EDA2R: variants seen among roughly 807,000 people sequenced by gnomAD.
The protein encoded by EDA2R is ectodysplasin A2 receptor.
EDA2R carries 26 observed loss-of-function variants against 20.1 expected under a neutral mutation model. The observed-to-expected ratio is 1.30, with a 90% CI of 0.95 to 1.80. EDA2R has a LOEUF of 1.80. EDA2R is among the 40% of genes most tolerant of loss of function. The pLI, the probability that EDA2R is intolerant of heterozygous loss-of-function variation, is 0.00. For missense variants in EDA2R, 277 were observed against 228.7 expected, an observed-to-expected ratio of 1.21 and a Z score of -1.36; for synonymous variants, 114 against 88.7, an observed-to-expected ratio of 1.29 and a Z score of -1.60.
chrX:66,620,459 C>T lies in EDA2R; in HGVS notation c.-10-4429G>A, dbSNP rs998669028. ...AAAATTAACTCACAATAGACTAAAT[C>T]CCCAAATGTAAGAGTTAAAACTATA... On this transcript the variant is annotated intron_variant, in intron 1 of 6. Transcript: ENST00000374719. 6.3e-5 allele frequency among the ~76,000 whole-genome samples: 7 copies of T among 111,317 alleles called. No homozygotes were observed. In the East Asian group the frequency reaches 2.0e-3, roughly 31 times the overall value.
intron 1 of EDA2R, among the ~76,000 whole-genome samples, chrX:66,620,339 A>C (rs1825564): frequency 0.63 from 68,904 of 110,116 alleles, 18,857 homozygotes; most frequent in East Asian, 1. Context: ...AAGAAAATTC[A>C]ATGAGAAAAA....
rs368988128 is a variant in EDA2R at position 66,599,621 on chromosome X, C to T, written c.757G>A (p.Glu253Lys). 8 of 1,202,605 alleles carry T rather than the reference C, an allele frequency of 6.7e-6. No homozygotes were observed. The highest frequency in any genetic ancestry group is 4.4e-5 in the Admixed American group (2 of 44,948). The change falls in exon 6 of 7, where the codon GAA becomes AAA. Residue 253 changes from glutamate (E) to lysine (K), a missense_variant. Glu to Lys is a moderately conservative substitution (Grantham distance 56, BLOSUM62 1). Transcript: ENST00000374719. ...TTTTGCAGGTCCAGCTCTGTGCATT[C>T]GATGGGGCTGTGGACCCAGTGGGAG... The part of the protein sequence containing the change: ...SHSHWVHSPI[E>K]CTELDLQKFS...
intron 2 of EDA2R, among the ~76,000 whole-genome samples, chrX:66,609,722 C>T: frequency 8.9e-6 from 1 of 112,063 alleles, no homozygotes; most frequent in Non-Finnish European, 1.9e-5. Flanking sequence ...GGAAATAATG[C>T]TATCCAACTT....
rs142591870 is a variant in EDA2R at position 66,599,505 on chromosome X, G to A, written c.873C>T (p.Pro291=). The A allele has an allele frequency of 8.6e-7, 1 of 1,167,039 alleles. No homozygotes were observed. Among genetic ancestry groups the A allele is most frequent in the African/African-American group, 1.8e-5 (1 of 56,051 alleles). The change falls in exon 6 of 7, where the codon CCC becomes CCT. Residue 291 remains proline (P), a synonymous_variant. Coordinates refer to ENST00000374719, the MANE Select transcript of EDA2R (RefSeq NM_021783.5). Reference sequence around the variant, plus strand: ...AGAGTTAAGGGCTGGGAACTTCAAAGGGCACATTGAGCTCCAGCCTGTCTC... The same window carrying A: ...AGAGTTAAGGGCTGGGAACTTCAAAAGGCACATTGAGCTCCAGCCTGTCTC... ...STGDRLELNV[P]FEVPSP
chrX:66,627,641 A>G lies in EDA2R; in HGVS notation c.-11+11354T>C, dbSNP rs1018338286. On this transcript the variant is annotated intron_variant, in intron 1 of 6. Transcript: ENST00000374719. ...CTCCCAAATTTATAAAACAATTACT[A>G]ACAGACCTAAGAAGTGAGACAGACA... Among the ~76,000 whole-genome samples, 4 of 111,990 alleles carry G rather than the reference A, an allele frequency of 3.6e-5. No individual in the cohort carries two copies. The South Asian group carries it at 1.1e-3, about 31-fold the overall frequency.
intron 1 of EDA2R, among the ~76,000 whole-genome samples, chrX:66,631,605 G>A (rs752002125): frequency 9.0e-6 from 1 of 111,592 alleles, no homozygotes; most frequent in South Asian, 3.8e-4. Context: ...GTTAACCTGA[G>A]TGCATTTTAA....
chrX:66,605,380 A>T (rs530698042), intron 2 of EDA2R, among the ~76,000 whole-genome samples, 154 bp from the exon 3 acceptor site: 1 of 112,595 alleles, frequency 8.9e-6, no homozygotes, highest in South Asian at 3.7e-4. Flanking sequence ...CCAGCATTGA[A>T]AGATAAAATA....
At chrX:66,613,744 G>T (rs759983057) in intron 2 of EDA2R, among the ~76,000 whole-genome samples, 80 of 111,515 alleles carry the variant, frequency 7.2e-4, no homozygotes, top group African/African-American at 2.5e-3. Flanking sequence ...AAAATCGTAC[G>T]CATTATTTAG....
intron 3 of EDA2R, among the ~76,000 whole-genome samples, 176 bp downstream of exon 3, chrX:66,604,872 G>A (rs767449994): frequency 8.9e-6 from 1 of 112,290 alleles, no homozygotes; most frequent in South Asian, 3.7e-4. Context: ...CTGACAATGT[G>A]CTAAGCACTT....
chrX:66,613,432 G>C (rs1360517011), intron 2 of EDA2R, among the ~76,000 whole-genome samples: 2 of 111,392 alleles, frequency 1.8e-5, no homozygotes, highest in Non-Finnish European at 3.8e-5. Flanking sequence ...AATAAACACA[G>C]TAAAGTTGGT....
chrX:66,599,430 G>A, intron 6 of EDA2R, 44 bp downstream of exon 6: 1 of 1,041,052 alleles, frequency 9.6e-7, no homozygotes, highest in Non-Finnish European at 1.2e-6. Flanking sequence ...CTTAATTTCT[G>A]TTTTGCTTTT....
intron 2 of EDA2R, among the ~76,000 whole-genome samples, chrX:66,614,817 G>A (rs1391747727): frequency 8.9e-6 from 1 of 111,942 alleles, no homozygotes; most frequent in African/African-American, 3.2e-5. Context: ...CTTAGAGAAA[G>A]ATGAAAATTT....
chrX:66,596,077 C>T lies in EDA2R; in HGVS notation c.*2027G>A, dbSNP rs1370359917. 9.3e-6 allele frequency: 1 copy of T among 108,049 alleles called. No individual in the cohort carries two copies. Among genetic ancestry groups the T allele is most frequent in the East Asian group, 2.9e-4 (1 of 3,439 alleles). 8.9% of individuals were successfully genotyped at this position (108,049 alleles called of 1,213,427 possible). On this transcript the variant is annotated 3_prime_UTR_variant, in exon 7 of 7. Coordinates refer to ENST00000374719, the MANE Select transcript of EDA2R (RefSeq NM_021783.5). ...GGAAATACCTCCCCTTCCTTACAAA[C>T]AAAAACTACATTTTTTTTTTTTGCT... is the stretch of plus-strand genomic sequence containing the variant.
At position 66,605,219 on chromosome X, in the gene EDA2R, C is replaced by A; in HGVS notation, c.95G>T (p.Gly32Val). The A allele has an allele frequency of 8.3e-7, 1 of 1,204,886 alleles. No homozygotes were observed. Among genetic ancestry groups the A allele is most frequent in the Non-Finnish European group, 1.1e-6 (1 of 892,172 alleles). Reference protein sequence around the residue: ...GPGQELSKDCGYGEGGDAYCT... With the variant: ...GPGQELSKDCVYGEGGDAYCT... ...GTAGGCATCTCCACCCTCTCCATAA[C>A]CACAATCCTGTAGACAGATGGGGGT... The change falls in exon 3 of 7, where the codon GGT becomes GTT. Residue 32 changes from glycine (G) to valine (V), a missense_variant. Gly to Val is a moderately radical substitution (Grantham distance 109, BLOSUM62 -3). Coordinates refer to ENST00000374719, the MANE Select transcript of EDA2R (RefSeq NM_021783.5).
chrX:66,636,956 A>ACG (rs1426213301), intron 1 of EDA2R, among the ~76,000 whole-genome samples: 3 of 109,375 alleles, frequency 2.7e-5, no homozygotes, highest in Non-Finnish European at 5.7e-5. Flanking sequence ...ACACACACAC[A>ACG]CACACACACA....
chrX:66,632,092 A>G (rs1385162289), intron 1 of EDA2R, among the ~76,000 whole-genome samples: 1 of 111,972 alleles, frequency 8.9e-6, no homozygotes, highest in East Asian at 2.8e-4. Context: ...TGGAATAACC[A>G]CTGGCCGAAG....
At chrX:66,602,491 C>T in intron 5 of EDA2R, 142 bp downstream of exon 5, 2 of 693,822 alleles carry the variant, frequency 2.9e-6, no homozygotes, top group South Asian at 6.9e-5. Context: ...CAGATAGTTC[C>T]CCAGGCCAAC....
intron 2 of EDA2R, among the ~76,000 whole-genome samples, chrX:66,609,114 A>C (rs1430876349): frequency 1.8e-5 from 2 of 111,855 alleles, no homozygotes; most frequent in East Asian, 5.6e-4. Flanking sequence ...TATTTTAATA[A>C]GGCTGCTTAA....
At chrX:66,603,397 T>A (rs1053141186) in intron 4 of EDA2R, among the ~76,000 whole-genome samples, 4 of 111,561 alleles carry the variant, frequency 3.6e-5, no homozygotes, top group African/African-American at 9.8e-5. Context: ...CCCATGTATT[T>A]CCCTTACACC....
Sources: allele counts gnomAD v4.1 joint callset (sites outside exome capture counted in the v4.1 genomes callset), GRCh38; gene constraint gnomAD v4.1.1; transcripts MANE v1.5; gene names NCBI Gene and HGNC (gene_info 2026-07-23, HGNC 2026-07-21).